EYA2: variants seen among roughly 807,000 people sequenced by gnomAD.
EYA2 encodes the protein EYA transcriptional coactivator and phosphatase 2.
In EYA2, 31 loss-of-function variants were observed where a neutral mutation model predicts 69.2. That is an observed-to-expected ratio of 0.45 (90% CI 0.34 to 0.60). The LOEUF (loss-of-function observed/expected upper bound fraction) is 0.60. Among genes scored for constraint, EYA2 ranks in the 20% least tolerant of loss-of-function variants. EYA2 has a pLI of 0.02. For missense variants in EYA2, 622 were observed against 701.2 expected (o/e 0.89, Z 1.28); for synonymous variants, 257 against 279.4 (o/e 0.92, Z 0.80).
At chr20:47,119,792 GGT>G (rs2032997915) in intron 9 of EYA2, among the ~76,000 whole-genome samples, 1 of 152,178 alleles carries the variant, frequency 6.6e-6, no homozygotes, top group Non-Finnish European at 1.5e-5. Context: ...ACTTTAAAGT[GGT>G]TCATTTTCAC....
At chr20:46,955,927 T>C (rs887297596) in intron 1 of EYA2, among the ~76,000 whole-genome samples, 1 of 152,248 alleles carries the variant, frequency 6.6e-6, no homozygotes, top group Admixed American at 6.5e-5. Flanking sequence ...CTCAGTTCTG[T>C]CATCATAACA....
chr20:47,156,127 C>CACACACACACATATAT (rs2033938167), intron 10 of EYA2, among the ~76,000 whole-genome samples: 1 of 14,666 alleles, frequency 6.8e-5, no homozygotes, highest in Non-Finnish European at 1.2e-4. Flanking sequence ...CACACACACA[C>CACACACACACATATAT]ATATATATAT....
chr20:46,973,417 A>G (rs1256037507), intron 1 of EYA2, among the ~76,000 whole-genome samples: 1 of 152,248 alleles, frequency 6.6e-6, no homozygotes, highest in Non-Finnish European at 1.5e-5. Context: ...TAGATTCCGT[A>G]TCTTACAATC....
chr20:47,076,486 G>A (rs1166651140), intron 7 of EYA2, among the ~76,000 whole-genome samples: 2 of 152,054 alleles, frequency 1.3e-5, no homozygotes, highest in East Asian at 1.9e-4. Flanking sequence ...ATGCTTGTTG[G>A]CTGCATGTAT....
chr20:46,954,952 C>T (rs991377627), intron 1 of EYA2, among the ~76,000 whole-genome samples: 6 of 152,174 alleles, frequency 3.9e-5, no homozygotes, highest in Admixed American at 3.9e-4. Context: ...GAAGCACTAT[C>T]AGTATCTTTG....
At chr20:47,139,480 T>C (rs2033548335) in intron 9 of EYA2, among the ~76,000 whole-genome samples, 1 of 152,210 alleles carries the variant, frequency 6.6e-6, no homozygotes, top group East Asian at 1.9e-4. Flanking sequence ...TTGCCCAGGC[T>C]GGAGTGCAGT....
At chr20:47,142,919 A>T (rs1275871613) in intron 9 of EYA2, 140 bp from the exon 10 acceptor site, 8 of 551,662 alleles carry the variant, frequency 1.5e-5, no homozygotes, top group Non-Finnish European at 2.5e-5. Context: ...CCTCACACAG[A>T]GACTCATTTT....
chr20:47,177,770 A>C (rs1464359070), intron 12 of EYA2, among the ~76,000 whole-genome samples: 1 of 152,250 alleles, frequency 6.6e-6, no homozygotes, highest in Non-Finnish European at 1.5e-5. Flanking sequence ...ATACTGATTG[A>C]GCATCAAGCA....
intron 5 of EYA2, among the ~76,000 whole-genome samples, chr20:47,059,931 A>C (rs1252285765): frequency 6.6e-6 from 1 of 152,230 alleles, no homozygotes; most frequent in East Asian, 1.9e-4. Flanking sequence ...CCTAGAGCAG[A>C]GATCACAACC....
intron 1 of EYA2, among the ~76,000 whole-genome samples, chr20:46,957,213 G>A (rs533267867): frequency 4.5e-4 from 68 of 152,292 alleles, no homozygotes; most frequent in Middle Eastern, 6.8e-3. Context: ...CCTCTGGTCA[G>A]CTCTTTACCC....
intron 9 of EYA2, among the ~76,000 whole-genome samples, chr20:47,124,535 C>G (rs1257269636): frequency 6.6e-6 from 1 of 152,178 alleles, no homozygotes; most frequent in Non-Finnish European, 1.5e-5. Context: ...GCAGCGGGCA[C>G]TTGCTGGGCA....
intron 5 of EYA2, among the ~76,000 whole-genome samples, chr20:47,049,542 G>A (rs1210515373): frequency 6.6e-6 from 1 of 150,464 alleles, no homozygotes; most frequent in African/African-American, 2.4e-5. Context: ...TTGTTTCAAA[G>A]AGTCTGGGAC....
chr20:47,101,374 A>G (rs1488542548), intron 9 of EYA2, among the ~76,000 whole-genome samples: 1 of 152,212 alleles, frequency 6.6e-6, no homozygotes, highest in Non-Finnish European at 1.5e-5. Flanking sequence ...GGCCTGAGCC[A>G]CCACACCCAG....
intron 1 of EYA2, among the ~76,000 whole-genome samples, chr20:46,919,292 T>C (rs769495848): frequency 6.6e-6 from 1 of 152,276 alleles, no homozygotes; most frequent in Non-Finnish European, 1.5e-5. Flanking sequence ...TTCTCCTCTC[T>C]AGCTATGAAA....
chr20:46,913,986 G>A (rs1316592152), intron 1 of EYA2, among the ~76,000 whole-genome samples: 2 of 152,174 alleles, frequency 1.3e-5, no homozygotes, highest in African/African-American at 2.4e-5. Context: ...GCCAGGCCAG[G>A]CCTCCCACCC....
intron 4 of EYA2, among the ~76,000 whole-genome samples, chr20:47,012,049 C>G (rs1463363348): frequency 1.3e-5 from 2 of 152,178 alleles, no homozygotes; most frequent in Non-Finnish European, 2.9e-5. Context: ...CATATAAGCT[C>G]CAACCGCTAC....
In EYA2 at chr20:46,987,956, CTCTCTCTCTA is replaced by C. The variant is rs1176571054; in HGVS notation, c.-10-2043_-10-2034del. Among the ~76,000 whole-genome samples, 21 of 37,264 alleles carry C rather than the reference CTCTCTCTCTA, an allele frequency of 5.6e-4. No individual in the cohort carries two copies. The East Asian group carries it at 6.0e-3, about 11-fold the overall frequency. The allele number at this position is 37,264 out of a possible 152,430, so 24.4% of individuals were successfully genotyped here. On this transcript the variant is annotated intron_variant, in intron 1 of 15. Coordinates refer to ENST00000327619, the MANE Select transcript of EYA2 (RefSeq NM_005244.5). Reference sequence around the variant, plus strand: ...TCTCTCTCTCTCTCTCTCTCTCTCTCTCTCTCTCTATATATATATATATATATATATATAT... The same window carrying C: ...TCTCTCTCTCTCTCTCTCTCTCTCTCTATATATATATATATATATATATAT...
chr20:47,021,054 G>T (rs930324788), intron 5 of EYA2, among the ~76,000 whole-genome samples: 5 of 152,124 alleles, frequency 3.3e-5, no homozygotes, highest in African/African-American at 1.2e-4. Flanking sequence ...TACTCGTGGG[G>T]TGCTATGATG....
rs766731732 is a variant in EYA2 at position 47,005,004 on chromosome 20, A to G, written c.218A>G (p.Gln73Arg). The change falls in exon 4 of 16, where the codon CAG (glutamine) becomes CGG (arginine). Residue 73 changes from glutamine to arginine, a missense_variant. This residue lies in a region of EYA2 where 365 missense variants were observed against 349.7 expected (regional missense o/e 1.04). Coordinates refer to ENST00000327619, the MANE Select transcript of EYA2 (RefSeq NM_005244.5). Reference protein sequence around the residue: ...STAMAAYGQTQYSAGIQQATP... With the variant: ...STAMAAYGQTRYSAGIQQATP... Reference sequence around the variant, plus strand: ...GCCATGGCAGCCTACGGCCAGACGCAGTACAGTGCGGGGATCCAGCAGGCT... The same window carrying G: ...GCCATGGCAGCCTACGGCCAGACGCGGTACAGTGCGGGGATCCAGCAGGCT... 20 of 1,613,938 alleles carry G rather than the reference A, an allele frequency of 1.2e-5. No individual in the cohort carries two copies. The highest frequency in any genetic ancestry group is 2.7e-5 in the African/African-American group (2 of 74,888).
Sources: gnomAD v4.1 joint callset for allele counts (sites outside exome capture counted in the v4.1 genomes callset) on GRCh38, gnomAD v4.1.1 for gene constraint, gnomAD v4.1.1 regional missense constraint, MANE v1.5 for transcripts, NCBI Gene and HGNC (gene_info 2026-07-23, HGNC 2026-07-21) for gene names.